The following TARBP1 variants were observed in gnomAD, a reference collection of about 807,000 sequenced individuals.
TARBP1 encodes the protein tRNA guanosine 2 -O-methyltransferase TARBP1, also known as tRNA (guanosine(18)-2'-O)-methyltransferase TARBP1.
TARBP1 carries 144 observed loss-of-function variants against 178.6 expected under a neutral mutation model. The observed-to-expected ratio is 0.81, with a 90% CI of 0.70 to 0.93. The LOEUF (loss-of-function observed/expected upper bound fraction) is 0.93, where lower values mean the gene tolerates loss of function less well. Among genes scored for constraint, TARBP1 ranks in the 40% least tolerant of loss-of-function variants. The pLI is 0.00. For synonymous variants in TARBP1, 787 were observed against 781.0 expected (o/e 1.01, Z -0.13); for missense variants, 2,067 against 2,011.7 (o/e 1.03, Z -0.53).
At position 234,464,049 on chromosome 1, in the gene TARBP1, C is replaced by G. The variant is rs535862541; in HGVS notation, c.1302-115G>C. ...GTCTTTCAACAATAAAACAATCAGA[C>G]AGTTTTATTTTTCTGAACCTGCATT... On this transcript the variant is annotated intron_variant, in intron 5 of 29. Coordinates refer to ENST00000040877, the MANE Select transcript of TARBP1 (RefSeq NM_005646.4). 6 of 507,988 alleles carry G rather than the reference C, an allele frequency of 1.2e-5. No individual in the cohort carries two copies. The South Asian group carries it at 3.5e-4, about 30-fold the overall frequency. 31.5% of individuals were successfully genotyped at this position (507,988 alleles called of 1,614,324 possible). A position where few individuals can be genotyped will look rare whatever the true frequency, so the allele number is the denominator to read the frequency against.
At chr1:234,462,921 C>T (rs1447504437) in intron 6 of TARBP1, among the ~76,000 whole-genome samples, 1 of 152,020 alleles carries the variant, frequency 6.6e-6, no homozygotes, top group East Asian at 1.9e-4. Context: ...TATTTCATAC[C>T]TAGGCTCACT....
intron 1 of TARBP1, among the ~76,000 whole-genome samples, chr1:234,473,943 A>T (rs850239): frequency 0.24 from 37,022 of 152,048 alleles, 5,051 homozygotes; most frequent in Non-Finnish European, 0.31. Context: ...GGATATTATT[A>T]AAAAGGGGAC....
chr1:234,433,384 A>G (rs748291696), intron 14 of TARBP1, 26 bp downstream of exon 14: 2 of 1,608,510 alleles, frequency 1.2e-6, no homozygotes, highest in East Asian at 2.2e-5. Context: ...CAAGATAACT[A>G]CAAACCTTGA....
At position 234,464,271 on chromosome 1, in the gene TARBP1, G is replaced by T. The variant is rs1668203423; in HGVS notation, c.1302-337C>A. Among the ~76,000 whole-genome samples the T allele has an allele frequency of 2.0e-5, 3 of 152,066 alleles. No individual in the cohort carries two copies. The South Asian group carries it at 6.2e-4, about 32-fold the overall frequency. On this transcript the variant is annotated intron_variant, in intron 5 of 29. Coordinates refer to ENST00000040877, the MANE Select transcript of TARBP1 (RefSeq NM_005646.4). ...TGATAATTTTAAATTATATTTTATTGTTCCCAACATGTAATCCAATGACTT... is the reference window on the plus strand; with the variant it reads ...TGATAATTTTAAATTATATTTTATTTTTCCCAACATGTAATCCAATGACTT...
Position 234,394,138 on chromosome 1 carries a change from G to T in TARBP1, c.4244-301C>A, listed in dbSNP as rs75512138. The stretch of plus-strand genomic sequence containing the variant: ...ATATCTGAAATTGAGACACATCTTA[G>T]AATCCAGAGTATCATAGTTTGGTAA... On this transcript the variant is annotated intron_variant, in intron 26 of 29. Transcript: ENST00000040877. 7.0e-3 allele frequency among the ~76,000 whole-genome samples: 1,063 copies of T among 152,252 alleles called. 2 individuals carry two copies. The highest frequency in any genetic ancestry group is 0.011 in the Non-Finnish European group (717 of 68,024).
intron 19 of TARBP1, among the ~76,000 whole-genome samples, chr1:234,426,211 A>T (rs1470801714): frequency 6.6e-6 from 1 of 152,264 alleles, no homozygotes; most frequent in Non-Finnish European, 1.5e-5. Flanking sequence ...CTATCGGTGC[A>T]CATTCTCCAA....
intron 6 of TARBP1, among the ~76,000 whole-genome samples, chr1:234,462,413 G>A (rs1434071170): frequency 6.6e-6 from 1 of 152,190 alleles, no homozygotes; most frequent in Non-Finnish European, 1.5e-5. Context: ...ACTCTAGGCT[G>A]TGTGTGGTGG....
Position 234,402,575 on chromosome 1 carries a change from GTTT to G in TARBP1, c.3990-1316_3990-1314del, listed in dbSNP as rs201978530. Among the ~76,000 whole-genome samples, 537 of 151,246 alleles carry G rather than the reference GTTT, an allele frequency of 3.6e-3. 1 individual carries two copies. The highest frequency in any genetic ancestry group is 0.028 in the South Asian group (135 of 4,782). On this transcript the variant is annotated intron_variant, in intron 24 of 29. Transcript: ENST00000040877. ...ATCATCCTATCCACATTTGGACTTT[GTTT>G]GTTTGTTTTTTTTTTGAGACAGGGT...
intron 10 of TARBP1, among the ~76,000 whole-genome samples, chr1:234,449,048 G>A (rs1444165152): frequency 2.6e-5 from 4 of 152,192 alleles, no homozygotes; most frequent in African/African-American, 7.2e-5. Context: ...GAAGGGACAC[G>A]AGAACTTTCT....
At chr1:234,472,355 A>AAAAAAAAAAAAG (rs1558261613) in intron 2 of TARBP1, among the ~76,000 whole-genome samples, 1 of 136,138 alleles carries the variant, frequency 7.3e-6, no homozygotes, top group Non-Finnish European at 1.5e-5. Flanking sequence ...AAAAAAAAAA[A>AAAAAAAAAAAAG]AACTCAAAAG....
chr1:234,419,566 T>C (rs1020547703), intron 21 of TARBP1, among the ~76,000 whole-genome samples: 2 of 152,194 alleles, frequency 1.3e-5, no homozygotes, highest in Admixed American at 6.5e-5. Flanking sequence ...TTCCTTTTTC[T>C]TGCAGGTGTG....
At chr1:234,392,373 C>G (rs766092903) in intron 29 of TARBP1, 43 bp downstream of exon 29, 9 of 1,591,894 alleles carry the variant, frequency 5.7e-6, no homozygotes, top group Non-Finnish European at 8.5e-7. Flanking sequence ...TTCCAGTAGT[C>G]TGGGGCTCAG....
At chr1:234,443,856 C>A (rs929939937) in intron 12 of TARBP1, among the ~76,000 whole-genome samples, 3 of 152,130 alleles carry the variant, frequency 2.0e-5, no homozygotes, top group Non-Finnish European at 4.4e-5. Flanking sequence ...ATAAGTCAGA[C>A]ACAAAAGGAC....
At position 234,448,495 on chromosome 1, in the gene TARBP1, A is replaced by G; in HGVS notation, c.1946T>C (p.Met649Thr). The G allele has an allele frequency of 6.2e-7, 1 of 1,613,960 alleles. No homozygotes were observed. Among genetic ancestry groups the G allele is most frequent in the Non-Finnish European group, 8.5e-7 (1 of 1,179,928 alleles). The change falls in exon 11 of 30, where the codon ATG becomes ACG. Residue 649 changes from methionine (M) to threonine (T), a missense_variant. Coordinates refer to ENST00000040877, the MANE Select transcript of TARBP1 (RefSeq NM_005646.4). ...MVLLAVDVEG[M>T]KTQYSGKQRT... ...AAACAATTACCTATACTGAGTCTTC[A>G]TTCCTTCCACATCCACAGCCAGCAA...
chr1:234,398,382 C>T lies in TARBP1; in HGVS notation c.4243G>A (p.Gly1415Ser), dbSNP rs776873839. ...KPGDWSQQDIGTNLVEADNQA... is the reference protein window; with the variant it reads ...KPGDWSQQDISTNLVEADNQA... The stretch of plus-strand genomic sequence containing the variant: ...AAATAAAATGAAAATTATTTTTTAC[C>T]TATGTCTTGCTGAGACCAGTCACCT... Residue 1415 changes from glycine to serine, a missense_variant and splice_region_variant, in exon 26 of 30, where the codon GGT (glycine) becomes AGT (serine). By Grantham distance (56) the Gly-to-Ser change is moderately conservative (BLOSUM62 0). Coordinates refer to ENST00000040877, the MANE Select transcript of TARBP1 (RefSeq NM_005646.4). 1 of 1,570,418 alleles carries T rather than the reference C, an allele frequency of 6.4e-7. No homozygotes were observed. Among genetic ancestry groups the T allele is most frequent in the Non-Finnish European group, 8.6e-7 (1 of 1,156,936 alleles).
At chr1:234,392,584 C>T (rs781732009) in intron 28 of TARBP1, 32 bp from the exon 29 acceptor site, 1 of 1,604,896 alleles carries the variant, frequency 6.2e-7, no homozygotes, top group Admixed American at 1.7e-5. Context: ...ACAGAATATT[C>T]ATTCAGTTAT....
chr1:234,474,200 C>T (rs564337915), intron 1 of TARBP1, among the ~76,000 whole-genome samples: 2 of 151,128 alleles, frequency 1.3e-5, no homozygotes, highest in Non-Finnish European at 2.9e-5. Flanking sequence ...GCTATAATCA[C>T]GCCACTGCAC....
At chr1:234,457,231 T>C (rs1425649315) in intron 9 of TARBP1, among the ~76,000 whole-genome samples, 1 of 152,166 alleles carries the variant, frequency 6.6e-6, no homozygotes, top group Non-Finnish European at 1.5e-5. Flanking sequence ...GAGGGTTTCA[T>C]GATGAATTGG....
chr1:234,400,970 T>C (rs937897004), intron 25 of TARBP1: 3 of 397,184 alleles, frequency 7.6e-6, no homozygotes, highest in Non-Finnish European at 1.4e-5. Context: ...AAAGTGAAAA[T>C]GACTAGCCAA....
Sources: gnomAD v4.1 joint callset for allele counts (sites outside exome capture counted in the v4.1 genomes callset) on GRCh38, gnomAD v4.1.1 for gene constraint, MANE v1.5 for transcripts, NCBI Gene and HGNC (gene_info 2026-07-23, HGNC 2026-07-21) for gene names.